SCRN1: variants seen among roughly 807,000 people sequenced by gnomAD.
SCRN1 encodes secernin-1.
Under a neutral mutation model 43.3 loss-of-function variants are expected in SCRN1, and 19 were observed. The observed-to-expected ratio is 0.44, with a 90% CI of 0.31 to 0.64. SCRN1 has a LOEUF of 0.64. Ranked by LOEUF, SCRN1 falls within the 30% of genes least tolerant of loss-of-function variation. SCRN1 has a pLI of 0.09. For missense variants in SCRN1, 447 were observed against 524.1 expected (o/e 0.85, Z 1.44); for synonymous variants, 183 against 188.9 (o/e 0.97, Z 0.26).
Position 29,944,052 on chromosome 7 carries a change from A to G in SCRN1, c.469T>C (p.Tyr157His). 1 of 1,614,228 alleles carries G rather than the reference A, an allele frequency of 6.2e-7. No homozygotes were observed. Among genetic ancestry groups the G allele is most frequent in the Non-Finnish European group, 8.5e-7 (1 of 1,180,038 alleles). The change falls in exon 4 of 8, where the codon TAT becomes CAT. Residue 157 changes from tyrosine to histidine, a missense_variant. Transcript: ENST00000242059. ...ANSCHSFQSA[Y>H]LIVDRDEAWV... is the part of the protein sequence containing the mutation. ...GCTTCATCACGATCCACAATCAGAT[A>G]TGCACTTTGGAAGCTGTGGCAGGAG...
At chr7:29,969,914 C>CATTTGCTTCTCCATT in intron 1 of SCRN1, 1 of 456,238 alleles carries the variant, frequency 2.2e-6, no homozygotes, top group Admixed American at 2.4e-5. Context: ...CCATCCTTGC[C>CATTTGCTTCTCCATT]ATTTGCTTCT....
chr7:29,931,574 A>C (rs1040818857), intron 6 of SCRN1, among the ~76,000 whole-genome samples: 1 of 152,226 alleles, frequency 6.6e-6, no homozygotes, highest in Non-Finnish European at 1.5e-5. Context: ...CATACACCTT[A>C]TACTGCTGCA....
At chr7:29,977,825 T>C (rs1007211825) in intron 1 of SCRN1, among the ~76,000 whole-genome samples, 1 of 152,174 alleles carries the variant, frequency 6.6e-6, no homozygotes. Context: ...CTTCCCAGGG[T>C]TGCAGTGAGA....
At chr7:29,925,682 G>A (rs1279097496) in intron 7 of SCRN1, among the ~76,000 whole-genome samples, 3 of 152,050 alleles carry the variant, frequency 2.0e-5, no homozygotes, top group Non-Finnish European at 4.4e-5. Flanking sequence ...GGGGAGAGCT[G>A]CACTTTGAAG....
intron 1 of SCRN1, chr7:29,970,055 C>A: frequency 5.8e-6 from 2 of 347,360 alleles, no homozygotes; most frequent in East Asian, 1.5e-4. Flanking sequence ...TGGACCACTA[C>A]AATAACTTCC....
At chr7:29,939,763 T>A (rs749479751) in intron 5 of SCRN1, among the ~76,000 whole-genome samples, 2 of 152,122 alleles carry the variant, frequency 1.3e-5, no homozygotes, top group African/African-American at 2.4e-5. Context: ...ATAGAATGAC[T>A]GTTGTGGGTT....
chr7:29,961,620 G>A (rs1475047600), intron 2 of SCRN1, among the ~76,000 whole-genome samples: 1 of 151,704 alleles, frequency 6.6e-6, no homozygotes, highest in Admixed American at 6.6e-5. Flanking sequence ...CGGGCAGAGG[G>A]GCTCCTCACT....
chr7:29,968,639 T>C (rs1390742619), intron 2 of SCRN1, among the ~76,000 whole-genome samples: 2 of 152,234 alleles, frequency 1.3e-5, no homozygotes, highest in Admixed American at 6.5e-5. Flanking sequence ...GTTAGACTTC[T>C]ATGAATAAAT....
rs150038918 is a variant in SCRN1, at chr7:29,949,041, A to T, written c.342-4862T>A. Among the ~76,000 whole-genome samples, 810 of 152,162 alleles carry T rather than the reference A, an allele frequency of 5.3e-3. 4 individuals are homozygous for T. Among genetic ancestry groups the T allele is most frequent in the African/African-American group, 0.018 (768 of 41,530 alleles). On this transcript the variant is annotated intron_variant, in intron 3 of 7. Transcript: ENST00000242059. ...ATTATAAGTGGCACCCTAGGACAGGAGCGGTGGCTCACACCTGTAATCCTA... is the reference window on the plus strand; with the variant it reads ...ATTATAAGTGGCACCCTAGGACAGGTGCGGTGGCTCACACCTGTAATCCTA...
chr7:29,928,802 C>A (rs1480320293), intron 6 of SCRN1, among the ~76,000 whole-genome samples: 1 of 152,230 alleles, frequency 6.6e-6, no homozygotes, highest in Non-Finnish European at 1.5e-5. Context: ...TACCCCTCTA[C>A]TGAGTGTTGA....
chr7:29,951,015 C>G (rs1475004533), intron 3 of SCRN1, among the ~76,000 whole-genome samples: 1 of 152,260 alleles, frequency 6.6e-6, no homozygotes, highest in African/African-American at 2.4e-5. Flanking sequence ...CCCCAGCCCC[C>G]ACCATTTGCA....
chr7:29,934,476 C>CGCAGA (rs1432373916), intron 6 of SCRN1, among the ~76,000 whole-genome samples: 2 of 152,190 alleles, frequency 1.3e-5, no homozygotes, highest in Non-Finnish European at 2.9e-5. Flanking sequence ...CCAAATACTT[C>CGCAGA]GCAGAGCATT....
In SCRN1 at chr7:29,940,662, T is replaced by A. The variant is rs373701823; in HGVS notation, c.739+20A>T. 6.3e-7 allele frequency: 1 copy of A among 1,577,252 alleles called. No individual in the cohort carries two copies. Among genetic ancestry groups the A allele is most frequent in the East Asian group, 2.3e-5 (1 of 42,718 alleles). On this transcript the variant is annotated intron_variant, in intron 5 of 7. Transcript: ENST00000242059. ...AGAAAGGGTATGAGAAGGAGAATCG[T>A]GAGGGAGAGACTAACTCACCTTCTT...
At chr7:29,968,322 C>T (rs932147600) in intron 2 of SCRN1, among the ~76,000 whole-genome samples, 6 of 151,720 alleles carry the variant, frequency 4.0e-5, no homozygotes, top group African/African-American at 1.2e-4. Flanking sequence ...CTGCATGTAC[C>T]GTAGGGAGTG....
rs749076740 is a variant in SCRN1 at position 29,920,847 on chromosome 7, T to C, written c.*3110A>G. 1.3e-5 allele frequency: 2 copies of C among 152,204 alleles called. No homozygotes were observed. Among genetic ancestry groups the C allele is most frequent in the Non-Finnish European group, 2.9e-5 (2 of 68,030 alleles). 9.4% of individuals were successfully genotyped at this position (152,204 alleles called of 1,614,324 possible). ...TAGTAAAGGAACCCCACAGCTAAGG[T>C]CTAACAGGCATATACCTGCTCTGTT... is the stretch of plus-strand genomic sequence containing the variant. On this transcript the variant is annotated 3_prime_UTR_variant, in exon 8 of 8. Coordinates refer to ENST00000242059, the MANE Select transcript of SCRN1 (RefSeq NM_014766.5).
chr7:29,940,628 A>G, intron 5 of SCRN1, 54 bp downstream of exon 5: 1 of 1,490,878 alleles, frequency 6.7e-7, no homozygotes, highest in Non-Finnish European at 9.0e-7. Context: ...TCTCAGAAAC[A>G]GCTGCAAGAG....
At chr7:29,925,673 G>GTTAATAAAGT (rs2128085548) in intron 7 of SCRN1, among the ~76,000 whole-genome samples, 1 of 152,156 alleles carries the variant, frequency 6.6e-6, no homozygotes, top group African/African-American at 2.4e-5. Context: ...TGTGGGACTG[G>GTTAATAAAGT]GGAGAGCTGC....
At position 29,940,845 on chromosome 7, in the gene SCRN1, C is replaced by T. The variant is rs766739416; in HGVS notation, c.576G>A (p.Ser192=). 9 of 1,559,192 alleles carry T rather than the reference C, an allele frequency of 5.8e-6. No homozygotes were observed. In the South Asian group the frequency reaches 7.3e-5, roughly 13 times the overall value. The change falls in exon 5 of 8, where the codon TCG becomes TCA. Residue 192 remains serine (S), a synonymous_variant. Transcript: ENST00000242059. ...GCTCTGCATCCATCTTAGTGGTGAG[C>T]GAAAGCTGACTGCAAATGCACCTCA... ...EGVRCICSQL[S]LTTKMDAEHP...
At chr7:29,974,072 T>C (rs1788739013) in intron 1 of SCRN1, among the ~76,000 whole-genome samples, 1 of 152,214 alleles carries the variant, frequency 6.6e-6, no homozygotes, top group South Asian at 2.1e-4. Flanking sequence ...ATTCAAAATA[T>C]TAACAGTGGG....
Sources: allele counts gnomAD v4.1 joint callset (sites outside exome capture counted in the v4.1 genomes callset), GRCh38; gene constraint gnomAD v4.1.1; transcripts MANE v1.5; gene names NCBI Gene and HGNC (gene_info 2026-07-23, HGNC 2026-07-21).